PLPP4: variants seen among roughly 807,000 people sequenced by gnomAD.
PLPP4 encodes phospholipid phosphatase 4.
Under a neutral mutation model 32.2 loss-of-function variants are expected in PLPP4, and 20 were observed. The ratio of observed to expected loss-of-function variants is 0.62; its 90% CI spans 0.44 to 0.90. The LOEUF (loss-of-function observed/expected upper bound fraction) is 0.90, where lower values mean the gene tolerates loss of function less well. Among genes scored for constraint, PLPP4 ranks in the 40% least tolerant of loss-of-function variants. The pLI is 0.00. For synonymous variants in PLPP4, 127 were observed against 133.0 expected (o/e 0.95, Z 0.31); for missense variants, 257 against 353.1 (o/e 0.73, Z 2.18).
intron 5 of PLPP4, among the ~76,000 whole-genome samples, chr10:120,542,506 C>T: frequency 6.6e-6 from 1 of 152,154 alleles, no homozygotes; most frequent in East Asian, 1.9e-4. Context: ...TTTCCTGGGT[C>T]TCCTCCAAAA....
intron 6 of PLPP4, among the ~76,000 whole-genome samples, chr10:120,580,270 C>T (rs1018439166): frequency 2.0e-5 from 3 of 152,022 alleles, no homozygotes; most frequent in South Asian, 4.1e-4. Flanking sequence ...GAGGAATAAT[C>T]GGATCTTTTT....
chr10:120,590,389 C>G lies in PLPP4; in HGVS notation c.*887C>G, dbSNP rs1488511950. Among the ~76,000 whole-genome samples the G allele has an allele frequency of 2.6e-5, 4 of 152,166 alleles. No homozygotes were observed. ...CTGAGTGGCCATTGGGGATAAGAAGCAACTTCAGGCTGAGAATTTTTCCCC... is the reference window on the plus strand; with the variant it reads ...CTGAGTGGCCATTGGGGATAAGAAGGAACTTCAGGCTGAGAATTTTTCCCC... On this transcript the variant is annotated 3_prime_UTR_variant, in exon 7 of 7. Coordinates refer to ENST00000398250, the MANE Select transcript of PLPP4 (RefSeq NM_001030059.3).
intron 2 of PLPP4, among the ~76,000 whole-genome samples, chr10:120,511,835 T>A (rs1208064359): frequency 2.0e-5 from 3 of 152,202 alleles, no homozygotes; most frequent in Non-Finnish European, 4.4e-5. Context: ...GGCTCACACC[T>A]GTAATCCCAG....
At chr10:120,493,549 G>T (rs1844815004) in intron 1 of PLPP4, among the ~76,000 whole-genome samples, 1 of 152,130 alleles carries the variant, frequency 6.6e-6, no homozygotes, top group Non-Finnish European at 1.5e-5. Flanking sequence ...GGCCTGTTCT[G>T]GTCCTCTCTC....
intron 6 of PLPP4, among the ~76,000 whole-genome samples, chr10:120,580,099 G>A (rs1401580975): frequency 7.0e-5 from 9 of 128,444 alleles, no homozygotes; most frequent in East Asian, 2.2e-4. Context: ...CAGCCTGCGC[G>A]ACAGAGCGAG....
intron 5 of PLPP4, among the ~76,000 whole-genome samples, chr10:120,561,409 C>T (rs2134012445): frequency 6.6e-6 from 1 of 152,292 alleles, no homozygotes; most frequent in South Asian, 2.1e-4. Context: ...ATCATGACCC[C>T]TGCCATATTT....
intron 5 of PLPP4, among the ~76,000 whole-genome samples, chr10:120,534,261 T>A (rs1846891610): frequency 6.6e-6 from 1 of 152,014 alleles, no homozygotes. Context: ...TCCTTGAGTC[T>A]ATTGTTCTGT....
chr10:120,511,334 G>A (rs1374991194), intron 2 of PLPP4, among the ~76,000 whole-genome samples: 1 of 152,164 alleles, frequency 6.6e-6, no homozygotes, highest in East Asian at 1.9e-4. Flanking sequence ...CATCTCCTAT[G>A]TGGGCAGTGA....
intron 1 of PLPP4, among the ~76,000 whole-genome samples, chr10:120,493,858 C>T (rs1844831651): frequency 6.6e-6 from 1 of 152,122 alleles, no homozygotes; most frequent in Non-Finnish European, 1.5e-5. Context: ...GAGGAGTACA[C>T]TGCACGCCAT....
intron 5 of PLPP4, among the ~76,000 whole-genome samples, chr10:120,530,947 T>C (rs1846678584): frequency 2.0e-5 from 3 of 152,198 alleles, no homozygotes; most frequent in Admixed American, 6.5e-5. Context: ...TGTTCACTTA[T>C]CTTACTACAT....
intron 5 of PLPP4, among the ~76,000 whole-genome samples, chr10:120,554,268 C>T (rs1234797269): frequency 6.6e-6 from 1 of 152,194 alleles, no homozygotes; most frequent in Non-Finnish European, 1.5e-5. Context: ...ACAAGTCTGC[C>T]AGTCTCTTTG....
intron 1 of PLPP4, among the ~76,000 whole-genome samples, chr10:120,493,668 A>G (rs1352720860): frequency 6.6e-6 from 1 of 151,400 alleles, no homozygotes; most frequent in Non-Finnish European, 1.5e-5. Context: ...CCCCCATCCT[A>G]CCCCAGTGTG....
chr10:120,520,739 G>A (rs540166603), intron 4 of PLPP4, among the ~76,000 whole-genome samples: 2 of 152,212 alleles, frequency 1.3e-5, no homozygotes, highest in Non-Finnish European at 2.9e-5. Flanking sequence ...CCTTCCCAAG[G>A]TCATAAAGTG....
rs138578240 is a variant in PLPP4 at position 120,571,318 on chromosome 10, C to T, written c.446-3813C>T. ...CCCATGTTTAAAAATGTTTAATGCC[C>T]TAAGTCTTTGAATGCTCTTGTCTCA... On this transcript the variant is annotated intron_variant, in intron 5 of 6. Coordinates refer to ENST00000398250, the MANE Select transcript of PLPP4 (RefSeq NM_001030059.3). 6.2e-3 allele frequency among the ~76,000 whole-genome samples: 942 copies of T among 152,036 alleles called. 8 individuals carry two copies. The highest frequency in any genetic ancestry group is 0.011 in the Non-Finnish European group (732 of 68,002).
chr10:120,579,398 C>A lies in PLPP4; in HGVS notation c.616+4097C>A, dbSNP rs546317309. 2.6e-5 allele frequency among the ~76,000 whole-genome samples: 4 copies of A among 152,214 alleles called. No homozygotes were observed. In the South Asian group the frequency reaches 8.3e-4, roughly 32 times the overall value. ...TCATTCACAGACACAGTTGTCTAAC[C>A]GGGCTGAAGTTTTCAAGATGGCCAT... On this transcript the variant is annotated intron_variant, in intron 6 of 6. Transcript: ENST00000398250.
At chr10:120,526,176 A>C (rs1395678017) in intron 5 of PLPP4, among the ~76,000 whole-genome samples, 1 of 152,016 alleles carries the variant, frequency 6.6e-6, no homozygotes, top group African/African-American at 2.4e-5. Context: ...AATTTCCAAG[A>C]GCTCTTTCTT....
At chr10:120,520,194 C>G (rs1846093092) in intron 4 of PLPP4, among the ~76,000 whole-genome samples, 1 of 152,180 alleles carries the variant, frequency 6.6e-6, no homozygotes, top group Admixed American at 6.5e-5. Context: ...CAGGGCCACC[C>G]CTATGTGCCT....
chr10:120,532,262 T>C (rs545913751), intron 5 of PLPP4, among the ~76,000 whole-genome samples: 33 of 152,300 alleles, frequency 2.2e-4, no homozygotes, highest in African/African-American at 7.5e-4. Flanking sequence ...TGTGGCTGCA[T>C]AGTATTCCAT....
At chr10:120,480,184 T>A (rs1844130725) in intron 1 of PLPP4, among the ~76,000 whole-genome samples, 1 of 152,248 alleles carries the variant, frequency 6.6e-6, no homozygotes, top group Non-Finnish European at 1.5e-5. Flanking sequence ...TTTTGACGGT[T>A]GAGTACCTGG....
Sources: allele counts gnomAD v4.1 joint callset (sites outside exome capture counted in the v4.1 genomes callset), GRCh38; gene constraint gnomAD v4.1.1; transcripts MANE v1.5; gene names NCBI Gene and HGNC (gene_info 2026-07-23, HGNC 2026-07-21).